The following CTSO variants were observed in gnomAD, a reference collection of about 807,000 sequenced individuals.
CTSO encodes the protein cathepsin O.
CTSO carries 40 observed loss-of-function variants against 42.4 expected under a neutral mutation model. The ratio of observed to expected loss-of-function variants is 0.94; its 90% CI spans 0.73 to 1.23. The LOEUF (loss-of-function observed/expected upper bound fraction) is 1.23. Ranked by LOEUF, CTSO falls within the 50% of genes most tolerant of loss-of-function variation. The probability of loss-of-function intolerance (pLI) is 0.00; values close to 1 mark genes in which losing one functional copy is unlikely to be tolerated. For missense variants in CTSO, 441 were observed against 396.0 expected (o/e 1.11, Z -0.96); for synonymous variants, 156 against 146.2 (o/e 1.07, Z -0.48).
chr4:155,942,930 G>T (rs1743467612), intron 2 of CTSO, among the ~76,000 whole-genome samples: 1 of 152,142 alleles, frequency 6.6e-6, no homozygotes, highest in Non-Finnish European at 1.5e-5. Flanking sequence ...ATAGCCACAT[G>T]GAAATGTGCA....
intron 2 of CTSO, 135 bp downstream of exon 2, chr4:155,943,021 T>G: frequency 1.6e-6 from 1 of 617,602 alleles, no homozygotes; most frequent in South Asian, 2.5e-5. Context: ...ACATGGTACA[T>G]GCCTGACATT....
At chr4:155,927,975 A>G (rs1743160978) in intron 7 of CTSO, among the ~76,000 whole-genome samples, 1 of 152,138 alleles carries the variant, frequency 6.6e-6, no homozygotes, top group Admixed American at 6.5e-5. Flanking sequence ...TAATACAGAA[A>G]TTAAGAAAAA....
rs1449272701 is a variant in CTSO at position 155,924,154 on chromosome 4, T to C, written c.*1882A>G. The C allele has an allele frequency of 6.6e-6, 1 of 152,232 alleles. No individual in the cohort carries two copies. The highest frequency in any genetic ancestry group is 1.5e-5 in the Non-Finnish European group (1 of 68,052). 9.4% of individuals were successfully genotyped at this position (152,232 alleles called of 1,614,324 possible). A position where few individuals can be genotyped will look rare whatever the true frequency, so the allele number is the denominator to read the frequency against. ...CCAAAGTCAAATGTAGGTTGTTTTATTGTAAATGTCATCAAAATCCAGAAC... is the reference window on the plus strand; with the variant it reads ...CCAAAGTCAAATGTAGGTTGTTTTACTGTAAATGTCATCAAAATCCAGAAC... On this transcript the variant is annotated 3_prime_UTR_variant, in exon 8 of 8. Transcript: ENST00000433477.
intron 1 of CTSO, among the ~76,000 whole-genome samples, chr4:155,949,673 CT>C (rs1364601049): frequency 1.3e-5 from 2 of 152,248 alleles, no homozygotes; most frequent in South Asian, 2.1e-4. Context: ...CTTAGGAGTG[CT>C]TTCGTTTCTG....
At chr4:155,947,152 G>C (rs532172003) in intron 1 of CTSO, among the ~76,000 whole-genome samples, 30 of 152,126 alleles carry the variant, frequency 2.0e-4, no homozygotes, top group Non-Finnish European at 3.7e-4. Flanking sequence ...GAGCCACTGC[G>C]CCTGGCCTCT....
At chr4:155,946,834 G>A (rs1280443331) in intron 1 of CTSO, among the ~76,000 whole-genome samples, 1 of 152,078 alleles carries the variant, frequency 6.6e-6, no homozygotes, top group Non-Finnish European at 1.5e-5. Flanking sequence ...CTTCCTTGGA[G>A]GCTTCTGAAC....
intron 1 of CTSO, among the ~76,000 whole-genome samples, chr4:155,952,118 C>T (rs1743685699): frequency 6.6e-6 from 1 of 152,042 alleles, no homozygotes; most frequent in African/African-American, 2.4e-5. Context: ...TTACAGGCAG[C>T]AATTGCTTTG....
intron 2 of CTSO, 55 bp from the exon 3 acceptor site, chr4:155,942,511 AT>A (rs1405602418): frequency 2.5e-6 from 2 of 788,778 alleles, no homozygotes; most frequent in Admixed American, 9.4e-5. Flanking sequence ...AATATATTAT[AT>A]TATATATATC....
intron 3 of CTSO, among the ~76,000 whole-genome samples, chr4:155,940,505 G>A (rs1743410406): frequency 6.6e-6 from 1 of 152,060 alleles, no homozygotes; most frequent in Non-Finnish European, 1.5e-5. Flanking sequence ...AGTGCCTATG[G>A]CATAGTAAAA....
intron 1 of CTSO, among the ~76,000 whole-genome samples, chr4:155,952,484 G>A (rs1380605967): frequency 6.6e-6 from 1 of 152,220 alleles, no homozygotes; most frequent in African/African-American, 2.4e-5. Context: ...AGGTGAAACT[G>A]ACTTTTCCCC....
chr4:155,942,859 T>A (rs1227498700), intron 2 of CTSO, among the ~76,000 whole-genome samples: 1 of 151,720 alleles, frequency 6.6e-6, no homozygotes, highest in African/African-American at 2.4e-5. Context: ...CATGGAACCA[T>A]GTGTGTCCTG....
At chr4:155,950,642 A>G (rs1743656448) in intron 1 of CTSO, among the ~76,000 whole-genome samples, 1 of 152,116 alleles carries the variant, frequency 6.6e-6, no homozygotes, top group Non-Finnish European at 1.5e-5. Context: ...GCTGCACAGC[A>G]GGTGGTGAGG....
chr4:155,949,032 C>T (rs2110937156), intron 1 of CTSO, among the ~76,000 whole-genome samples: 1 of 152,304 alleles, frequency 6.6e-6, no homozygotes, highest in African/African-American at 2.4e-5. Flanking sequence ...TATGAGCAAA[C>T]TGTTGAGTTT....
rs946446929 is a variant in CTSO at position 155,943,283 on chromosome 4, C to A, written c.136-19G>T. 6 of 1,440,772 alleles carry A rather than the reference C, an allele frequency of 4.2e-6. No individual in the cohort carries two copies. Among genetic ancestry groups the A allele is most frequent in the Non-Finnish European group, 5.8e-6 (6 of 1,027,900 alleles). 89.2% of individuals were successfully genotyped at this position (1,440,772 alleles called of 1,614,324 possible). A position where few individuals can be genotyped will look rare whatever the true frequency, so the allele number is the denominator to read the frequency against. ...GACTTTCCTAGAAGAAAAACAAAAA[C>A]TATTTCATATCCACTATGTCAGTTT... is the stretch of plus-strand genomic sequence containing the variant. On this transcript the variant is annotated intron_variant, in intron 1 of 7. Coordinates refer to ENST00000433477, the MANE Select transcript of CTSO (RefSeq NM_001334.3).
chr4:155,950,778 T>C (rs563229766), intron 1 of CTSO, among the ~76,000 whole-genome samples: 217 of 152,048 alleles, frequency 1.4e-3, no homozygotes, highest in African/African-American at 4.1e-3. Context: ...TGCACAGTCC[T>C]TATGTGAATC....
intron 5 of CTSO, among the ~76,000 whole-genome samples, chr4:155,936,338 T>C (rs906516762): frequency 1.3e-5 from 2 of 152,232 alleles, no homozygotes; most frequent in Non-Finnish European, 1.5e-5. Flanking sequence ...TATGCTCATT[T>C]AAACGGGTAC....
chr4:155,932,668 C>A (rs986320137), intron 5 of CTSO, among the ~76,000 whole-genome samples: 3 of 152,128 alleles, frequency 2.0e-5, no homozygotes, highest in Non-Finnish European at 4.4e-5. Context: ...TGGGATGGCA[C>A]TGAAGTGTAC....
At position 155,925,333 on chromosome 4, in the gene CTSO, G is replaced by T. The variant is rs924176146; in HGVS notation, c.*703C>A. ...GATCTATTGGATTCCTATTCACAAT[G>T]AAAATTATCAAACAATAATTTGTCT... On this transcript the variant is annotated 3_prime_UTR_variant, in exon 8 of 8. Coordinates refer to ENST00000433477, the MANE Select transcript of CTSO (RefSeq NM_001334.3). The T allele has an allele frequency of 2.0e-5, 3 of 152,144 alleles. No homozygotes were observed. The highest frequency in any genetic ancestry group is 7.2e-5 in the African/African-American group (3 of 41,438). 9.4% of individuals were successfully genotyped at this position (152,144 alleles called of 1,614,324 possible).
chr4:155,934,416 C>A lies in CTSO; in HGVS notation c.674+2946G>T, dbSNP rs543264676. Among the ~76,000 whole-genome samples, 221 of 152,328 alleles carry A rather than the reference C, an allele frequency of 1.5e-3. 1 individual carries two copies. Among genetic ancestry groups the A allele is most frequent in the African/African-American group, 4.0e-3 (168 of 41,578 alleles). ...GAAAAATGTGGGGTTGGAGGCTCCA[C>A]ACAGAGTCCCACAGGAGCTGCGAGA... On this transcript the variant is annotated intron_variant, in intron 5 of 7. Coordinates refer to ENST00000433477, the MANE Select transcript of CTSO (RefSeq NM_001334.3).
Sources: gnomAD v4.1 joint callset for allele counts (sites outside exome capture counted in the v4.1 genomes callset) on GRCh38, gnomAD v4.1.1 for gene constraint, MANE v1.5 for transcripts, NCBI Gene and HGNC (gene_info 2026-07-23, HGNC 2026-07-21) for gene names.